SLC24A4: variants seen among roughly 807,000 people sequenced by gnomAD.
The protein encoded by SLC24A4 is sodium/potassium/calcium exchanger 4.
A neutral mutation model predicts 79.0 loss-of-function variants in SLC24A4; 53 were observed. That is an observed-to-expected ratio of 0.67 (90% CI 0.54 to 0.84). The LOEUF is 0.84. Among genes scored for constraint, SLC24A4 ranks in the 40% least tolerant of loss-of-function variants. The pLI, the probability that SLC24A4 is intolerant of heterozygous loss-of-function variation, is 0.00. For missense variants in SLC24A4, 731 were observed against 822.0 expected (o/e 0.89, Z 1.35); for synonymous variants, 323 against 323.8 (o/e 1.00, Z 0.03).
chr14:92,395,101 G>A (rs939914674), intron 2 of SLC24A4, among the ~76,000 whole-genome samples: 1 of 152,192 alleles, frequency 6.6e-6, no homozygotes, highest in Non-Finnish European at 1.5e-5. Context: ...GACTTGGCTC[G>A]GAATGTGACC....
At chr14:92,423,983 T>C (rs1891431892) in intron 2 of SLC24A4, among the ~76,000 whole-genome samples, 1 of 152,208 alleles carries the variant, frequency 6.6e-6, no homozygotes, top group Non-Finnish European at 1.5e-5. Context: ...CTGGAGTCTC[T>C]GAGAAAATCT....
intron 2 of SLC24A4, among the ~76,000 whole-genome samples, chr14:92,430,451 G>A (rs1200829791): frequency 6.6e-6 from 1 of 152,250 alleles, no homozygotes; most frequent in Non-Finnish European, 1.5e-5. Context: ...AGATTGTAGG[G>A]TGCTGAGGGC....
At chr14:92,333,863 G>C (rs1426225875) in intron 2 of SLC24A4, among the ~76,000 whole-genome samples, 1 of 152,164 alleles carries the variant, frequency 6.6e-6, no homozygotes. Flanking sequence ...CCCTGGGCAC[G>C]GGAGCTGACA....
At chr14:92,465,905 T>C (rs1894086518) in intron 12 of SLC24A4, among the ~76,000 whole-genome samples, 1 of 152,130 alleles carries the variant, frequency 6.6e-6, no homozygotes, top group Non-Finnish European at 1.5e-5. Context: ...ATACCTGATG[T>C]TTTTCCTCAC....
intron 2 of SLC24A4, among the ~76,000 whole-genome samples, chr14:92,405,856 C>T (rs560318424): frequency 6.6e-6 from 1 of 152,272 alleles, no homozygotes; most frequent in Admixed American, 6.5e-5. Flanking sequence ...CTTGACCCCT[C>T]CCAAATCTCA....
intron 2 of SLC24A4, among the ~76,000 whole-genome samples, chr14:92,327,928 A>G (rs990990837): frequency 4.6e-5 from 7 of 152,238 alleles, no homozygotes; most frequent in Non-Finnish European, 8.8e-5. Context: ...AGCCTGGCCC[A>G]TAGAAAGGAC....
At chr14:92,405,904 A>G (rs935142173) in intron 2 of SLC24A4, among the ~76,000 whole-genome samples, 1 of 152,142 alleles carries the variant, frequency 6.6e-6, no homozygotes. Flanking sequence ...ATGCCTTCCC[A>G]ACAGTCCCCC....
chr14:92,325,076 AT>A (rs72198500), intron 1 of SLC24A4, among the ~76,000 whole-genome samples: 81 of 152,110 alleles, frequency 5.3e-4, no homozygotes, highest in Non-Finnish European at 6.3e-4. Flanking sequence ...CAGTGTTTGG[AT>A]TTTTTTCCCC....
At chr14:92,493,401 G>C in intron 16 of SLC24A4, 75 bp from the exon 17 acceptor site, 1 of 1,550,102 alleles carries the variant, frequency 6.5e-7, no homozygotes, top group East Asian at 2.3e-5. Flanking sequence ...CCCCACATAG[G>C]TGTCGCTTTC....
intron 2 of SLC24A4, among the ~76,000 whole-genome samples, chr14:92,348,428 C>T (rs1886666437): frequency 6.6e-6 from 1 of 152,184 alleles, no homozygotes; most frequent in African/African-American, 2.4e-5. Context: ...AGCAACTGCT[C>T]CACTCTGCCG....
intron 12 of SLC24A4, among the ~76,000 whole-genome samples, chr14:92,466,999 C>A (rs1894166584): frequency 1.3e-5 from 2 of 152,200 alleles, no homozygotes; most frequent in African/African-American, 2.4e-5. Context: ...AAATATTGGT[C>A]AATGGTGAGG....
chr14:92,387,425 C>T (rs963229096), intron 2 of SLC24A4, among the ~76,000 whole-genome samples: 2 of 152,144 alleles, frequency 1.3e-5, no homozygotes, highest in Non-Finnish European at 2.9e-5. Flanking sequence ...GATTTGCCCA[C>T]CTCGGCCTCC....
chr14:92,476,657 A>G (rs1317434108), intron 12 of SLC24A4, among the ~76,000 whole-genome samples: 1 of 152,192 alleles, frequency 6.6e-6, no homozygotes, highest in Non-Finnish European at 1.5e-5. Context: ...ATATAATTCT[A>G]GAATATTTTT....
At chr14:92,411,340 A>G (rs960251974) in intron 2 of SLC24A4, among the ~76,000 whole-genome samples, 1 of 149,564 alleles carries the variant, frequency 6.7e-6, no homozygotes, top group Non-Finnish European at 1.5e-5. Flanking sequence ...CACCCACCCC[A>G]TGATCAGGGT....
chr14:92,340,156 C>G (rs1886043247), intron 2 of SLC24A4, among the ~76,000 whole-genome samples: 1 of 152,224 alleles, frequency 6.6e-6, no homozygotes, highest in Non-Finnish European at 1.5e-5. Context: ...AATACAGTGG[C>G]TGGCTTATAT....
chr14:92,388,004 G>A (rs1889261154), intron 2 of SLC24A4, among the ~76,000 whole-genome samples: 1 of 152,218 alleles, frequency 6.6e-6, no homozygotes, highest in Non-Finnish European at 1.5e-5. Flanking sequence ...TGCTATGAAT[G>A]TGAGTGTGCA....
chr14:92,357,481 A>G (rs999597165), intron 2 of SLC24A4, among the ~76,000 whole-genome samples: 9 of 152,228 alleles, frequency 5.9e-5, no homozygotes, highest in Non-Finnish European at 1.5e-5. Context: ...TAAAATGTGG[A>G]ATATACATGC....
chr14:92,349,124 C>A, intron 2 of SLC24A4, among the ~76,000 whole-genome samples: 1 of 151,482 alleles, frequency 6.6e-6, no homozygotes. Flanking sequence ...GAATTTCTCC[C>A]CAGATTTCCA....
intron 12 of SLC24A4, among the ~76,000 whole-genome samples, chr14:92,469,207 A>G (rs1894298581): frequency 6.6e-6 from 1 of 152,178 alleles, no homozygotes; most frequent in Non-Finnish European, 1.5e-5. Context: ...TTGCTGGTGG[A>G]AATGTAAATA....
Sources: allele counts gnomAD v4.1 joint callset (sites outside exome capture counted in the v4.1 genomes callset), GRCh38; gene constraint gnomAD v4.1.1; transcripts MANE v1.5; gene names NCBI Gene and HGNC (gene_info 2026-07-23, HGNC 2026-07-21).